The following TMEM132B variants were observed in gnomAD, a reference collection of about 807,000 sequenced individuals.
TMEM132B encodes transmembrane protein 132B.
A neutral mutation model predicts 90.8 loss-of-function variants in TMEM132B; 18 were observed. The observed-to-expected ratio is 0.20, with a 90% CI of 0.14 to 0.29. The LOEUF is 0.29. Ranked by LOEUF, TMEM132B falls within the 10% of genes least tolerant of loss-of-function variation. The probability of loss-of-function intolerance (pLI) is 1.00; values close to 1 mark genes in which losing one functional copy is unlikely to be tolerated. For synonymous variants in TMEM132B, 504 were observed against 523.3 expected (o/e 0.96, Z 0.50); for missense variants, 1,096 against 1,326.8 (o/e 0.83, Z 2.70).
At chr12:125,392,892 G>T (rs1879065895) in intron 2 of TMEM132B, among the ~76,000 whole-genome samples, 1 of 152,232 alleles carries the variant, frequency 6.6e-6, no homozygotes, top group Admixed American at 6.5e-5. Context: ...TGCTGTTAGT[G>T]CTGTTCCTCC....
intron 1 of TMEM132B, among the ~76,000 whole-genome samples, chr12:125,304,787 C>T (rs1024298575): frequency 5.9e-5 from 9 of 152,012 alleles, no homozygotes; most frequent in East Asian, 3.9e-4. Context: ...ACCATGTCTG[C>T]GCCTGTGAAT....
intron 2 of TMEM132B, among the ~76,000 whole-genome samples, chr12:125,392,553 T>A (rs1309948358): frequency 2.0e-5 from 3 of 152,202 alleles, no homozygotes; most frequent in Non-Finnish European, 4.4e-5. Context: ...GAGGTTGTGC[T>A]CTTAGCCCCT....
chr12:125,639,066 C>T (rs1886562480), intron 5 of TMEM132B, among the ~76,000 whole-genome samples: 1 of 152,128 alleles, frequency 6.6e-6, no homozygotes, highest in Admixed American at 6.5e-5. Flanking sequence ...CCTCTTGAGG[C>T]TCAGAGAGCC....
At chr12:125,568,278 T>C (rs546250882) in intron 4 of TMEM132B, among the ~76,000 whole-genome samples, 5 of 152,324 alleles carry the variant, frequency 3.3e-5, no homozygotes, top group Middle Eastern at 3.4e-3. Context: ...ATAGTAGGCA[T>C]ATATATTTAT....
At chr12:125,409,616 AGTGGAGGAGTGGAGTGGAGTGGAGGAGT>A (rs1879639073) in intron 2 of TMEM132B, among the ~76,000 whole-genome samples, 1 of 89,500 alleles carries the variant, frequency 1.1e-5, no homozygotes, top group African/African-American at 5.3e-5. Flanking sequence ...AGTGGAGTGG[AGTGGAGGAGTGGAGTGGAGTGGAGGAGT>A]GGAGTGGAGT....
rs1879590802 is a variant in TMEM132B, at chr12:125,408,749, T to C, written c.960-6782T>C. Among the ~76,000 whole-genome samples the C allele has an allele frequency of 1.3e-5, 2 of 152,278 alleles. No homozygotes were observed. The highest frequency in any genetic ancestry group is 1.5e-5 in the Non-Finnish European group (1 of 68,014). ...GGCATAAACCGAGGAGTGGCAATGC[T>C]GTTACAGGGTCTACGGAAATTCAGG... On this transcript the variant is annotated intron_variant, in intron 2 of 8. Coordinates refer to ENST00000682704, the MANE Select transcript of TMEM132B (RefSeq NM_001366854.1). This position sits in a 1 kb window ranked among gnomAD's most constrained non-coding sequence, Gnocchi z 5.9.
At chr12:125,534,699 C>T (rs1481307423) in intron 4 of TMEM132B, among the ~76,000 whole-genome samples, 2 of 52,790 alleles carry the variant, frequency 3.8e-5, no homozygotes, top group Non-Finnish European at 9.0e-5. Context: ...ATTACAGTTA[C>T]ATCCACTTTA....
intron 1 of TMEM132B, among the ~76,000 whole-genome samples, chr12:125,196,054 A>G (rs1475776991): frequency 6.6e-6 from 1 of 152,206 alleles, no homozygotes; most frequent in Admixed American, 6.5e-5. Flanking sequence ...GCTTTGACTC[A>G]CAGGAGCAGA....
At chr12:125,428,221 T>A (rs1409759473) in intron 3 of TMEM132B, among the ~76,000 whole-genome samples, 4 of 152,104 alleles carry the variant, frequency 2.6e-5, no homozygotes, top group Non-Finnish European at 5.9e-5. Context: ...CTCGAACTGC[T>A]GGGTTCAAGT....
intron 1 of TMEM132B, among the ~76,000 whole-genome samples, chr12:125,242,467 T>C (rs923067025): frequency 3.3e-5 from 5 of 152,228 alleles, no homozygotes; most frequent in African/African-American, 1.2e-4. Flanking sequence ...TTGAGTGATT[T>C]GTTCCAAATC....
chr12:125,218,156 TGGGGGAGTTGGG>T (rs1873480474), intron 1 of TMEM132B, among the ~76,000 whole-genome samples: 1 of 152,052 alleles, frequency 6.6e-6, no homozygotes, highest in African/African-American at 2.4e-5. Context: ...CCTATAAGAC[TGGGGGAGTTGGG>T]TACCTTCTGG....
At chr12:125,518,939 A>G (rs895923811) in intron 3 of TMEM132B, among the ~76,000 whole-genome samples, 1 of 152,226 alleles carries the variant, frequency 6.6e-6, no homozygotes, top group African/African-American at 2.4e-5. Context: ...CACACCCATG[A>G]GGTCCCCACT....
intron 5 of TMEM132B, among the ~76,000 whole-genome samples, chr12:125,635,470 C>A (rs1001992303): frequency 1.3e-5 from 2 of 152,194 alleles, no homozygotes; most frequent in African/African-American, 4.8e-5. Context: ...TGGACACAAA[C>A]TCATCCTTTC....
intron 3 of TMEM132B, among the ~76,000 whole-genome samples, chr12:125,462,654 G>C (rs1280288719): frequency 6.6e-6 from 1 of 152,124 alleles, no homozygotes; most frequent in African/African-American, 2.4e-5. Context: ...CTGGACTATG[G>C]GCTGGTTGAA....
intron 1 of TMEM132B, among the ~76,000 whole-genome samples, chr12:125,330,307 G>A (rs1178930902): frequency 6.7e-6 from 1 of 149,882 alleles, no homozygotes; most frequent in Non-Finnish European, 1.5e-5. Flanking sequence ...GTCCCATAGA[G>A]TAGTCGTGCT....
intron 2 of TMEM132B, among the ~76,000 whole-genome samples, chr12:125,360,195 G>T (rs1593103922): frequency 6.6e-6 from 1 of 152,312 alleles, no homozygotes; most frequent in East Asian, 1.9e-4. Flanking sequence ...GATAACATCT[G>T]ACAAAGGGAT....
chr12:125,432,888 G>C (rs1277298859), intron 3 of TMEM132B, among the ~76,000 whole-genome samples: 1 of 152,138 alleles, frequency 6.6e-6, no homozygotes, highest in Non-Finnish European at 1.5e-5. Flanking sequence ...CTTCCCAAGA[G>C]AGTTCTAGGC....
intron 2 of TMEM132B, among the ~76,000 whole-genome samples, chr12:125,401,682 A>G (rs1879326067): frequency 6.6e-6 from 1 of 152,206 alleles, no homozygotes; most frequent in Non-Finnish European, 1.5e-5. Flanking sequence ...ACACACATAA[A>G]TATACATTTT....
rs148089965 is a variant in TMEM132B at position 125,345,480 on chromosome 12, TCA to T, written c.68-3971_68-3970del. ...AAGCACAGCAGTGACATCCACTCACTCAGTTTGGGTCACAGGTTCCCTGCCTG... is the reference window on the plus strand; with the variant it reads ...AAGCACAGCAGTGACATCCACTCACTGTTTGGGTCACAGGTTCCCTGCCTG... On this transcript the variant is annotated intron_variant, in intron 1 of 8. Transcript: ENST00000682704. 2.8e-3 allele frequency among the ~76,000 whole-genome samples: 423 copies of T among 152,340 alleles called. 3 individuals are homozygous for T. The highest frequency in any genetic ancestry group is 9.7e-3 in the African/African-American group (404 of 41,578).
Sources: gnomAD v4.1 joint callset for allele counts (sites outside exome capture counted in the v4.1 genomes callset) on GRCh38, gnomAD v4.1.1 for gene constraint, Gnocchi (gnomAD v3.1) non-coding constraint, MANE v1.5 for transcripts, NCBI Gene and HGNC (gene_info 2026-07-23, HGNC 2026-07-21) for gene names.